Variants in PCCB observed in about 807,000 individuals in gnomAD.
The protein encoded by PCCB is propionyl-CoA carboxylase beta chain, mitochondrial.
In PCCB, 43 loss-of-function variants were observed where a neutral mutation model predicts 60.7. That is an observed-to-expected ratio of 0.71 (90% CI 0.55 to 0.91). The LOEUF (loss-of-function observed/expected upper bound fraction) is 0.91. Ranked by LOEUF, PCCB falls within the 40% of genes least tolerant of loss-of-function variation. PCCB has a pLI of 0.00. For missense variants in PCCB, 766 were observed against 702.8 expected (o/e 1.09, Z -1.02); for synonymous variants, 276 against 255.9 (o/e 1.08, Z -0.75).
At chr3:136,315,259 C>T (rs1300709549) in intron 9 of PCCB, among the ~76,000 whole-genome samples, 2 of 152,146 alleles carry the variant, frequency 1.3e-5, no homozygotes, top group African/African-American at 4.8e-5. Context: ...AAATAGTGGC[C>T]GGGCGCGGTG....
In PCCB at chr3:136,254,816, C is replaced by T. The variant is rs140806611; in HGVS notation, c.184-1040C>T. Among the ~76,000 whole-genome samples the T allele has an allele frequency of 3.2e-3, 483 of 152,052 alleles. 1 individual carries two copies. The highest frequency in any genetic ancestry group is 0.011 in the African/African-American group (442 of 41,472). ...AAAGTGCTGGGATTACAGGTGTGAG[C>T]CACTGTGCCCAGCCGAGGCTCCTGG... On this transcript the variant is annotated intron_variant, in intron 1 of 14. Coordinates refer to ENST00000251654, the MANE Select transcript of PCCB (RefSeq NM_000532.5).
chr3:136,277,711 A>G (rs1227536061), intron 5 of PCCB, among the ~76,000 whole-genome samples: 1 of 152,164 alleles, frequency 6.6e-6, no homozygotes, highest in African/African-American at 2.4e-5. Flanking sequence ...AACAGGTGGC[A>G]CTAAGCCTCA....
intron 6 of PCCB, among the ~76,000 whole-genome samples, chr3:136,290,557 C>T (rs1456153247): frequency 6.6e-6 from 1 of 150,828 alleles, no homozygotes; most frequent in East Asian, 1.9e-4. Context: ...ATGGGGGTCT[C>T]CCTGTGTTTC....
chr3:136,326,744 T>G, intron 10 of PCCB, 59 bp from the exon 11 acceptor site: 1 of 1,143,576 alleles, frequency 8.7e-7, no homozygotes, highest in South Asian at 1.2e-5. Context: ...CAAATCCCCA[T>G]TGTGGATAGA....
intron 9 of PCCB, among the ~76,000 whole-genome samples, chr3:136,307,859 C>T (rs1016021893): frequency 6.6e-6 from 1 of 152,002 alleles, no homozygotes. Context: ...CCTGTAATCC[C>T]AGCTACCCGG....
chr3:136,268,136 A>ATATATATATATATGTATATATATATATC (rs1553775786), intron 5 of PCCB, among the ~76,000 whole-genome samples: 27 of 128,574 alleles, frequency 2.1e-4, no homozygotes, highest in Non-Finnish European at 4.3e-4. Context: ...ATATATATAT[A>ATATATATATATATGTATATATATATATC]TATATCTACA....
At chr3:136,306,650 A>G (rs1312223782) in intron 9 of PCCB, among the ~76,000 whole-genome samples, 1 of 122,602 alleles carries the variant, frequency 8.2e-6, no homozygotes, top group Non-Finnish European at 1.8e-5. Flanking sequence ...ATTTTAAAAT[A>G]GTACAGATAC....
chr3:136,329,210 A>G (rs1935445733), intron 14 of PCCB, among the ~76,000 whole-genome samples: 1 of 152,100 alleles, frequency 6.6e-6, no homozygotes, highest in Non-Finnish European at 1.5e-5. Context: ...GGCCCAGCTG[A>G]GTGGTTCTTG....
intron 5 of PCCB, among the ~76,000 whole-genome samples, chr3:136,272,960 A>G (rs551124256): frequency 1.3e-5 from 2 of 152,308 alleles, no homozygotes; most frequent in African/African-American, 2.4e-5. Flanking sequence ...ACTTAAAACT[A>G]TGAACTTTCC....
At chr3:136,300,028 A>C (rs1364015603) in intron 8 of PCCB, among the ~76,000 whole-genome samples, 1 of 151,490 alleles carries the variant, frequency 6.6e-6, no homozygotes, top group Non-Finnish European at 1.5e-5. Flanking sequence ...GTACACGCCC[A>C]CACATGCATA....
At chr3:136,272,000 T>C (rs1942214901) in intron 5 of PCCB, among the ~76,000 whole-genome samples, 1 of 152,206 alleles carries the variant, frequency 6.6e-6, no homozygotes, top group South Asian at 2.1e-4. Context: ...TGTGGGTTTA[T>C]CATATATTGC....
chr3:136,326,385 G>GGT (rs1458681544), intron 10 of PCCB: 2 of 702,836 alleles, frequency 2.8e-6, no homozygotes, highest in Non-Finnish European at 5.2e-6. Flanking sequence ...CTACTTTGCA[G>GGT]GTAAGGAACC....
chr3:136,294,681 C>G (rs1576335512), intron 7 of PCCB, among the ~76,000 whole-genome samples: 1 of 152,048 alleles, frequency 6.6e-6, no homozygotes, highest in Non-Finnish European at 1.5e-5. Flanking sequence ...ACAGTGATAG[C>G]TCACTGTAGC....
chr3:136,279,584 T>C (rs1942419283), intron 5 of PCCB, among the ~76,000 whole-genome samples: 1 of 152,344 alleles, frequency 6.6e-6, no homozygotes, highest in South Asian at 2.1e-4. Context: ...TATGTTGTTA[T>C]TGTCATAGAT....
At chr3:136,295,832 G>T (rs1441331236) in intron 7 of PCCB, among the ~76,000 whole-genome samples, 1 of 150,492 alleles carries the variant, frequency 6.6e-6, no homozygotes, top group Non-Finnish European at 1.5e-5. Flanking sequence ...TATGTAACCT[G>T]AGTTTTTTTT....
chr3:136,316,977 A>G lies in PCCB; in HGVS notation c.1003A>G (p.Asn335Asp), dbSNP rs375456332. ...DEREFFEIMP[N>D]YAKNIIVGFA... The stretch of plus-strand genomic sequence containing the variant: ...GCGTGAATTTTTTGAGATCATGCCC[A>G]ATTATGCCAAGAACATCATTGTTGG... The change falls in exon 10 of 15, where the codon AAT becomes GAT. Residue 335 changes from asparagine (N) to aspartate (D), a missense_variant. Coordinates refer to ENST00000251654, the MANE Select transcript of PCCB (RefSeq NM_000532.5). The G allele has an allele frequency of 6.2e-6, 10 of 1,613,972 alleles. No individual in the cohort carries two copies. The highest frequency in any genetic ancestry group is 8.5e-6 in the Non-Finnish European group (10 of 1,179,970).
At chr3:136,321,905 T>G (rs1244590803) in intron 10 of PCCB, among the ~76,000 whole-genome samples, 1 of 152,264 alleles carries the variant, frequency 6.6e-6, no homozygotes, top group Non-Finnish European at 1.5e-5. Context: ...AGATTTTCTG[T>G]ATGGACAATT....
rs566991259 is a variant in PCCB, at chr3:136,266,805, T to C, written c.543+4740T>C. On this transcript the variant is annotated intron_variant, in intron 5 of 14. Coordinates refer to ENST00000251654, the MANE Select transcript of PCCB (RefSeq NM_000532.5). Reference sequence around the variant, plus strand: ...TTCATATATTCTGGATACAAGTCCTTTATCATATATATGATTTGTAAGTAT... The same window carrying C: ...TTCATATATTCTGGATACAAGTCCTCTATCATATATATGATTTGTAAGTAT... Among the ~76,000 whole-genome samples the C allele has an allele frequency of 2.6e-5, 4 of 152,366 alleles. No individual in the cohort carries two copies. In the East Asian group the frequency reaches 7.7e-4, roughly 29 times the overall value.
At chr3:136,296,637 C>T (rs1377305619) in intron 7 of PCCB, among the ~76,000 whole-genome samples, 2 of 152,106 alleles carry the variant, frequency 1.3e-5, no homozygotes, top group African/African-American at 4.8e-5. Context: ...TAAATGATAA[C>T]TCGATGTTTA....
Sources: gnomAD v4.1 joint callset for allele counts (sites outside exome capture counted in the v4.1 genomes callset) on GRCh38, gnomAD v4.1.1 for gene constraint, MANE v1.5 for transcripts, NCBI Gene and HGNC (gene_info 2026-07-23, HGNC 2026-07-21) for gene names.